The following ARHGAP24 variants were observed in gnomAD, a reference collection of about 807,000 sequenced individuals.
The protein encoded by ARHGAP24 is rho GTPase-activating protein 24.
Under a neutral mutation model 76.4 loss-of-function variants are expected in ARHGAP24, and 50 were observed. That is an observed-to-expected ratio of 0.65 (90% CI 0.52 to 0.83). The LOEUF is 0.83. ARHGAP24 is among the 40% of genes least tolerant of loss of function. ARHGAP24 has a pLI of 0.00. For synonymous variants in ARHGAP24, 345 were observed against 323.3 expected, an observed-to-expected ratio of 1.07 and a Z score of -0.72; for missense variants, 930 against 914.2, an observed-to-expected ratio of 1.02 and a Z score of -0.22.
intron 3 of ARHGAP24, among the ~76,000 whole-genome samples, chr4:85,797,636 G>T (rs977058343): frequency 2.0e-5 from 3 of 152,104 alleles, no homozygotes; most frequent in Non-Finnish European, 4.4e-5. Flanking sequence ...TTCATTCTAG[G>T]CTGGCTGCCT....
chr4:85,886,646 T>C (rs753876880), intron 3 of ARHGAP24, among the ~76,000 whole-genome samples: 1 of 152,178 alleles, frequency 6.6e-6, no homozygotes, highest in Non-Finnish European at 1.5e-5. Flanking sequence ...TTGAAAGTAT[T>C]AACTGAATAG....
chr4:85,657,617 G>A (rs1321069284), intron 2 of ARHGAP24, among the ~76,000 whole-genome samples: 1 of 152,040 alleles, frequency 6.6e-6, no homozygotes, highest in Non-Finnish European at 1.5e-5. Context: ...ATGGAGACAG[G>A]GTATTAGGCA....
Position 85,530,229 on chromosome 4 carries a change from G to A in ARHGAP24, c.-20-40293G>A, listed in dbSNP as rs139944410. On this transcript the variant is annotated intron_variant, in intron 1 of 9. Coordinates refer to ENST00000395184, the MANE Select transcript of ARHGAP24 (RefSeq NM_001025616.3). ...CTAGTGGGTATAAAATAGTAAAAGA[G>A]CATTAGATATGAAACCTATGAGTTC... Among the ~76,000 whole-genome samples, 390 of 152,024 alleles carry A rather than the reference G, an allele frequency of 2.6e-3. 4 individuals carry two copies. The highest frequency in any genetic ancestry group is 8.5e-3 in the African/African-American group (352 of 41,542).
chr4:85,796,142 C>A (rs1395417395), intron 3 of ARHGAP24, among the ~76,000 whole-genome samples: 1 of 151,860 alleles, frequency 6.6e-6, no homozygotes, highest in African/African-American at 2.4e-5. Flanking sequence ...ACTTTTGCAC[C>A]AACCTATACA....
At chr4:85,576,497 A>C (rs966184227) in intron 2 of ARHGAP24, among the ~76,000 whole-genome samples, 2 of 152,186 alleles carry the variant, frequency 1.3e-5, no homozygotes, top group Non-Finnish European at 2.9e-5. Context: ...GAAATCTAGA[A>C]ATCTCTAAGG....
At position 85,836,714 on chromosome 4, in the gene ARHGAP24, G is replaced by A. The variant is rs185507821; in HGVS notation, c.269-86934G>A. On this transcript the variant is annotated intron_variant, in intron 3 of 9. Transcript: ENST00000395184. ...TTGGCTCAGAAGAAATAATAGTAAT[G>A]GGAGAACCCAAGAAAATTCAGAGTC... is the stretch of plus-strand genomic sequence containing the variant. 3.9e-5 allele frequency among the ~76,000 whole-genome samples: 6 copies of A among 152,208 alleles called. No homozygotes were observed. In the East Asian group the frequency reaches 1.2e-3, roughly 29 times the overall value.
At chr4:85,488,762 T>C (rs1175255429) in intron 1 of ARHGAP24, among the ~76,000 whole-genome samples, 1 of 152,180 alleles carries the variant, frequency 6.6e-6, no homozygotes, top group Non-Finnish European at 1.5e-5. Flanking sequence ...AGGGTACTAG[T>C]TAAGTACCAT....
intron 3 of ARHGAP24, among the ~76,000 whole-genome samples, chr4:85,790,182 A>C (rs1728053619): frequency 6.6e-6 from 1 of 152,136 alleles, no homozygotes; most frequent in African/African-American, 2.4e-5. Context: ...ACACTTTGGA[A>C]AGCACTGCTT....
Position 85,672,366 on chromosome 4 carries a change from G to C in ARHGAP24, c.181-49519G>C, listed in dbSNP as rs548860406. ...CTAGCTTTCCTTTGGGAGTGAGCAA[G>C]TGGTTTCTCAACTCTCGGACTTCCT... On this transcript the variant is annotated intron_variant, in intron 2 of 9. Transcript: ENST00000395184. 4.6e-5 allele frequency among the ~76,000 whole-genome samples: 7 copies of C among 152,302 alleles called. No individual in the cohort carries two copies. The South Asian group carries it at 1.4e-3, about 32-fold the overall frequency.
At chr4:85,991,935 C>G (rs188501372) in intron 8 of ARHGAP24, 1 of 386,128 alleles carries the variant, frequency 2.6e-6, no homozygotes, top group East Asian at 3.6e-5. Flanking sequence ...ATTTAAAGTC[C>G]CTAGGTTTTT....
At chr4:85,538,264 C>A (rs535047633) in intron 1 of ARHGAP24, among the ~76,000 whole-genome samples, 1 of 152,222 alleles carries the variant, frequency 6.6e-6, no homozygotes, top group Non-Finnish European at 1.5e-5. Flanking sequence ...ATTATTACTT[C>A]CTTTTTGCAA....
intron 3 of ARHGAP24, among the ~76,000 whole-genome samples, chr4:85,890,073 C>A (rs940915910): frequency 6.6e-6 from 1 of 152,080 alleles, no homozygotes; most frequent in Non-Finnish European, 1.5e-5. Context: ...AGCAAAGATT[C>A]CCTGTTTTGA....
intron 8 of ARHGAP24, among the ~76,000 whole-genome samples, chr4:85,987,777 G>A (rs1740090180): frequency 6.6e-6 from 1 of 151,706 alleles, no homozygotes; most frequent in Non-Finnish European, 1.5e-5. Flanking sequence ...GAAGCACAGA[G>A]AAAAAATACT....
At chr4:85,579,624 T>G (rs1264718243) in intron 2 of ARHGAP24, among the ~76,000 whole-genome samples, 1 of 152,082 alleles carries the variant, frequency 6.6e-6, no homozygotes, top group African/African-American at 2.4e-5. Context: ...ATTTATCAAT[T>G]ATAAACTATG....
At chr4:85,597,796 G>C (rs960326910) in intron 2 of ARHGAP24, among the ~76,000 whole-genome samples, 8 of 152,026 alleles carry the variant, frequency 5.3e-5, no homozygotes, top group African/African-American at 1.9e-4. Context: ...GAAAAGTAGA[G>C]AATCTTAAAG....
At chr4:85,635,191 T>G (rs1407578756) in intron 2 of ARHGAP24, among the ~76,000 whole-genome samples, 5 of 151,812 alleles carry the variant, frequency 3.3e-5, no homozygotes, top group Admixed American at 6.6e-5. Flanking sequence ...AAAACTTTGT[T>G]GGGGAAAATG....
chr4:85,833,377 A>AT lies in ARHGAP24; in HGVS notation c.269-90262dup, dbSNP rs200699207. 8.8e-3 allele frequency among the ~76,000 whole-genome samples: 1,337 copies of AT among 151,340 alleles called. 24 individuals are homozygous for AT. The highest frequency in any genetic ancestry group is 0.03 in the African/African-American group (1,248 of 41,198). On this transcript the variant is annotated intron_variant, in intron 3 of 9. Transcript: ENST00000395184. ...GAAAGGTTTTTCTTTAGGTCTCTGG[A>AT]TTTTTTTTTCTATTTTACTTCCTGT...
chr4:85,521,936 G>A (rs951274916), intron 1 of ARHGAP24, among the ~76,000 whole-genome samples: 1 of 152,110 alleles, frequency 6.6e-6, no homozygotes, highest in East Asian at 1.9e-4. Flanking sequence ...AAAAGCTAAA[G>A]ATCAAATTAT....
At chr4:85,991,948 TA>T in intron 8 of ARHGAP24, 1 of 388,904 alleles carries the variant, frequency 2.6e-6, no homozygotes, top group Non-Finnish European at 4.5e-6. Context: ...AGGTTTTTTT[TA>T]AAGAAAAATC....
Sources: gnomAD v4.1 joint callset for allele counts (sites outside exome capture counted in the v4.1 genomes callset) on GRCh38, gnomAD v4.1.1 for gene constraint, MANE v1.5 for transcripts, NCBI Gene and HGNC (gene_info 2026-07-23, HGNC 2026-07-21) for gene names.